Variants in SCN1A observed in about 807,000 individuals in gnomAD.
SCN1A encodes the protein sodium channel protein type 1 subunit alpha.
SCN1A carries 13 observed loss-of-function variants against 193.7 expected under a neutral mutation model. The observed-to-expected ratio is 0.07, with a 90% CI of 0.04 to 0.11. The LOEUF (loss-of-function observed/expected upper bound fraction) is 0.11, where lower values mean the gene tolerates loss of function less well. Among genes scored for constraint, SCN1A ranks in the 10% least tolerant of loss-of-function variants. The probability of loss-of-function intolerance (pLI) is 1.00; values close to 1 mark genes in which losing one functional copy is unlikely to be tolerated. For missense variants in SCN1A, 1,432 were observed against 2,451.1 expected, an observed-to-expected ratio of 0.58 and a Z score of 8.78; for synonymous variants, 781 against 843.6, an observed-to-expected ratio of 0.93 and a Z score of 1.29.
chr2:166,054,167 G>A (rs7575938), intron 7 of SCN1A, among the ~76,000 whole-genome samples: 46,890 of 151,824 alleles, frequency 0.31, 7,941 homozygotes, highest in East Asian at 0.6. Flanking sequence ...TTGTCAGATC[G>A]TTTTGATGCT....
intron 14 of SCN1A, 43 bp from the exon 15 acceptor site, chr2:166,042,467 A>G: frequency 2.5e-6 from 4 of 1,599,192 alleles, no homozygotes; most frequent in Non-Finnish European, 3.4e-6. Flanking sequence ...TAATTTGAGC[A>G]ATATGACAAG....
chr2:166,042,578 T>G (rs966224376), intron 14 of SCN1A, among the ~76,000 whole-genome samples, 154 bp from the exon 15 acceptor site: 4 of 152,224 alleles, frequency 2.6e-5, no homozygotes, highest in African/African-American at 9.6e-5. Flanking sequence ...TATTGTATCA[T>G]TAGCCTGGAA....
chr2:166,048,972 A>G (rs747651382), intron 9 of SCN1A, 23 bp from the exon 10 acceptor site: 14 of 1,433,634 alleles, frequency 9.8e-6, no homozygotes, highest in Admixed American at 1.7e-5. Flanking sequence ...AGAAAGTCGT[A>G]TGATGAACAT....
chr2:165,998,285 A>ATTT, intron 25 of SCN1A, 110 bp from the exon 26 acceptor site: 17 of 706,660 alleles, frequency 2.4e-5, no homozygotes, highest in Non-Finnish European at 3.2e-5. Context: ...ATATGTCAGC[A>ATTT]TTTTTTTTTT....
At chr2:166,044,842 T>C (rs1397809792) in intron 13 of SCN1A, among the ~76,000 whole-genome samples, 1 of 152,184 alleles carries the variant, frequency 6.6e-6, no homozygotes, top group African/African-American at 2.4e-5. Context: ...CTTGGTGTTA[T>C]CTTAACTACA....
chr2:165,997,738 C>T (rs538547571), intron 26 of SCN1A, among the ~76,000 whole-genome samples: 9 of 151,148 alleles, frequency 6.0e-5, no homozygotes, highest in Admixed American at 2.6e-4. Context: ...GAGGCATATT[C>T]GGTTGCTTTC....
Position 165,999,664 on chromosome 2 carries a change from G to A in SCN1A, c.4338+59C>T, listed in dbSNP as rs1304416944. On this transcript the variant is annotated intron_variant, in intron 25 of 28. Coordinates refer to ENST00000674923, the MANE Select transcript of SCN1A (RefSeq NM_001165963.4). ...TCATTTGGTCGTTTATGCTTTATTCGATTAATTTTACCACCTGATCAATAT... is the reference window on the plus strand; with the variant it reads ...TCATTTGGTCGTTTATGCTTTATTCAATTAATTTTACCACCTGATCAATAT... 1.2e-5 allele frequency: 15 copies of A among 1,207,906 alleles called. 1 individual carries two copies. Among genetic ancestry groups the A allele is most frequent in the South Asian group, 6.1e-5 (5 of 82,436 alleles). The allele number at this position is 1,207,906 out of a possible 1,614,324, so 74.8% of individuals were successfully genotyped here. A position where few individuals can be genotyped will look rare whatever the true frequency, so the allele number is the denominator to read the frequency against.
At chr2:166,024,785 A>G (rs1207168473) in intron 19 of SCN1A, among the ~76,000 whole-genome samples, 1 of 152,016 alleles carries the variant, frequency 6.6e-6, no homozygotes. Context: ...TCAGCCTCCC[A>G]AGTAACTGGG....
intron 2 of SCN1A, among the ~76,000 whole-genome samples, chr2:166,088,706 C>T (rs1455452731): frequency 6.6e-6 from 1 of 152,158 alleles, no homozygotes; most frequent in African/African-American, 2.4e-5. Context: ...TCCCAAAGCC[C>T]GTGGGCTAGG....
At chr2:166,015,528 T>A in intron 20 of SCN1A, 79 bp downstream of exon 20, 1 of 1,539,320 alleles carries the variant, frequency 6.5e-7, no homozygotes, top group Non-Finnish European at 9.0e-7. Flanking sequence ...TTTTATTATA[T>A]GTGATTTATT....
intron 26 of SCN1A, 148 bp from the exon 27 acceptor site, chr2:165,996,265 A>AG (rs1690043676): frequency 3.5e-6 from 2 of 564,082 alleles, no homozygotes; most frequent in Non-Finnish European, 6.3e-6. Context: ...TGTAAAAAAA[A>AG]TTGTACTCTT....
intron 2 of SCN1A, among the ~76,000 whole-genome samples, 151 bp downstream of exon 2, chr2:166,126,773 C>G (rs527613059): frequency 5.9e-5 from 9 of 152,192 alleles, no homozygotes; most frequent in Admixed American, 1.3e-4. Flanking sequence ...GTAATATACC[C>G]TGCCTTGACT....
chr2:166,122,833 C>T (rs920203430), intron 2 of SCN1A, among the ~76,000 whole-genome samples: 6 of 152,100 alleles, frequency 3.9e-5, no homozygotes, highest in Non-Finnish European at 5.9e-5. Flanking sequence ...GTTTCTTATA[C>T]ATGAGACTAA....
At chr2:166,065,585 G>A (rs754351811) in intron 4 of SCN1A, among the ~76,000 whole-genome samples, 23 of 152,108 alleles carry the variant, frequency 1.5e-4, no homozygotes, top group Non-Finnish European at 2.8e-4. Flanking sequence ...TCTGAAGAGA[G>A]TATGCCATAT....
chr2:166,054,352 T>C (rs1698908540), intron 7 of SCN1A, among the ~76,000 whole-genome samples: 1 of 115,192 alleles, frequency 8.7e-6, no homozygotes, highest in East Asian at 2.9e-4. Flanking sequence ...AGATTGTGTG[T>C]GTTCATATGT....
At chr2:166,068,463 A>G (rs1684071412) in intron 4 of SCN1A, among the ~76,000 whole-genome samples, 2 of 152,160 alleles carry the variant, frequency 1.3e-5, no homozygotes, top group Non-Finnish European at 1.5e-5. Flanking sequence ...GGTGACTTTT[A>G]GTTTTACAGG....
chr2:166,074,816 A>G (rs6735544), intron 3 of SCN1A, among the ~76,000 whole-genome samples: 11,684 of 152,160 alleles, frequency 0.077, 1,217 homozygotes, highest in African/African-American at 0.24. Context: ...TTGCAGGCAT[A>G]ATTATTTTGT....
chr2:166,018,115 C>A (rs1693556517), intron 19 of SCN1A, among the ~76,000 whole-genome samples: 1 of 151,872 alleles, frequency 6.6e-6, no homozygotes, highest in African/African-American at 2.4e-5. Context: ...TAATATCATG[C>A]AATTGTTATT....
In SCN1A at chr2:166,127,932, A is replaced by C. The variant is rs772894342; in HGVS notation, c.-390T>G. The C allele has an allele frequency of 6.6e-6, 1 of 152,008 alleles. No homozygotes were observed. The highest frequency in any genetic ancestry group is 2.4e-5 in the African/African-American group (1 of 41,354). The allele number at this position is 152,008 out of a possible 1,614,324, so 9.4% of individuals were successfully genotyped here. ...TCTCACTGGGGCAGAACACACAGAC[A>C]CACAAACACACACAAACGCACACAT... On this transcript the variant is annotated 5_prime_UTR_variant, in exon 1 of 29. Coordinates refer to ENST00000674923, the MANE Select transcript of SCN1A (RefSeq NM_001165963.4).
Sources: allele counts gnomAD v4.1 joint callset (sites outside exome capture counted in the v4.1 genomes callset), GRCh38; gene constraint gnomAD v4.1.1; transcripts MANE v1.5; gene names NCBI Gene and HGNC (gene_info 2026-07-23, HGNC 2026-07-21).